The following ANO2 variants were observed in gnomAD, a reference collection of about 807,000 sequenced individuals.
ANO2 encodes anoctamin-2.
A neutral mutation model predicts 124.2 loss-of-function variants in ANO2; 101 were observed. That is an observed-to-expected ratio of 0.81 (90% CI 0.69 to 0.96). The LOEUF (loss-of-function observed/expected upper bound fraction) is 0.96, where lower values mean the gene tolerates loss of function less well. Ranked by LOEUF, ANO2 falls within the 40% of genes least tolerant of loss-of-function variation. The pLI, the probability that ANO2 is intolerant of heterozygous loss-of-function variation, is 0.00. For synonymous variants in ANO2, 486 were observed against 482.5 expected (o/e 1.01, Z -0.09); for missense variants, 1,293 against 1,274.5 (o/e 1.01, Z -0.22).
intron 4 of ANO2, among the ~76,000 whole-genome samples, chr12:5,852,581 T>G (rs891574804): frequency 1.2e-4 from 18 of 151,934 alleles, no homozygotes; most frequent in African/African-American, 4.4e-4. Context: ...ATTTGATGAG[T>G]GATTTTTGAT....
intron 4 of ANO2, among the ~76,000 whole-genome samples, chr12:5,850,713 G>A (rs181012030): frequency 3.9e-5 from 6 of 152,158 alleles, no homozygotes; most frequent in Non-Finnish European, 7.4e-5. Context: ...TGTGATTGTC[G>A]GCACCCTGAG....
At chr12:5,807,892 T>G (rs1953250965) in intron 7 of ANO2, among the ~76,000 whole-genome samples, 1 of 152,222 alleles carries the variant, frequency 6.6e-6, no homozygotes, top group Admixed American at 6.5e-5. Context: ...TGGGGAGCCC[T>G]GGGAGTCCTC....
intron 20 of ANO2, among the ~76,000 whole-genome samples, chr12:5,585,350 G>A (rs1372654664): frequency 1.3e-5 from 2 of 152,142 alleles, no homozygotes; most frequent in African/African-American, 2.4e-5. Flanking sequence ...AAAAGCCTGG[G>A]AAGTCATAAC....
chr12:5,821,529 A>G (rs1953798042), intron 7 of ANO2, among the ~76,000 whole-genome samples: 1 of 152,248 alleles, frequency 6.6e-6, no homozygotes, highest in African/African-American at 2.4e-5. Context: ...AGCAGATCCA[A>G]TGGTGCTTGA....
chr12:5,917,884 T>C (rs1198615735), intron 3 of ANO2, among the ~76,000 whole-genome samples: 1 of 152,082 alleles, frequency 6.6e-6, no homozygotes. Context: ...ATTTCCTTTT[T>C]ATAGACCAGG....
chr12:5,817,113 G>A (rs1045038135), intron 7 of ANO2, among the ~76,000 whole-genome samples: 9 of 152,302 alleles, frequency 5.9e-5, no homozygotes, highest in East Asian at 5.8e-4. Context: ...AGCAGAGGGC[G>A]TCTAGTCTCT....
chr12:5,720,965 C>T (rs780236938), intron 14 of ANO2, among the ~76,000 whole-genome samples: 5 of 152,242 alleles, frequency 3.3e-5, no homozygotes, highest in East Asian at 1.9e-4. Flanking sequence ...CTGGGCCACC[C>T]GAGGAGTCTA....
intron 14 of ANO2, among the ~76,000 whole-genome samples, chr12:5,717,482 A>T (rs549667547): frequency 6.6e-6 from 1 of 152,300 alleles, no homozygotes; most frequent in African/African-American, 2.4e-5. Context: ...GCCTAGTTAA[A>T]TTACAGATCA....
At chr12:5,684,118 C>T (rs1948609603) in intron 14 of ANO2, among the ~76,000 whole-genome samples, 1 of 152,120 alleles carries the variant, frequency 6.6e-6, no homozygotes, top group Non-Finnish European at 1.5e-5. Context: ...GCCCTGGGAC[C>T]CTTCATGCCA....
At chr12:5,873,196 G>GCTCGCTCTCTCTCTCTCT (rs1393522452) in intron 3 of ANO2, among the ~76,000 whole-genome samples, 9 of 118,932 alleles carry the variant, frequency 7.6e-5, no homozygotes, top group Non-Finnish European at 1.2e-4. Flanking sequence ...GCCTAAAGCA[G>GCTCGCTCTCTCTCTCTCT]CTCTCTCTCT....
chr12:5,903,988 A>G (rs994740355), intron 3 of ANO2, among the ~76,000 whole-genome samples: 4 of 152,122 alleles, frequency 2.6e-5, no homozygotes, highest in African/African-American at 9.7e-5. Context: ...AAACCCACAC[A>G]TGTACATGGG....
Position 5,744,209 on chromosome 12 carries a change from G to A in ANO2, c.1299C>T (p.His433=). 1 of 1,613,024 alleles carries A rather than the reference G, an allele frequency of 6.2e-7. No individual in the cohort carries two copies. The highest frequency in any genetic ancestry group is 8.5e-7 in the Non-Finnish European group (1 of 1,179,882). Residue 433 remains histidine (H), a synonymous_variant, in exon 12 of 25, where the codon CAC becomes CAT. Transcript: ENST00000682330. Reference sequence around the variant, plus strand: ...AGACGGTGGCAGGGTTGTCAAACAGGTGGCTGGCCTGCGCGGTCCCACAGG... The same window carrying A: ...AGACGGTGGCAGGGTTGTCAAACAGATGGCTGGCCTGCGCGGTCCCACAGG... The part of the protein sequence containing the change: ...SSACGTAQAS[H]LFDNPATVFF...
At chr12:5,696,471 A>G (rs1197877363) in intron 14 of ANO2, among the ~76,000 whole-genome samples, 1 of 152,218 alleles carries the variant, frequency 6.6e-6, no homozygotes, top group Non-Finnish European at 1.5e-5. Flanking sequence ...ACTAAAAAAA[A>G]GCCTGAAATT....
At chr12:5,709,768 C>A (rs573733778) in intron 14 of ANO2, among the ~76,000 whole-genome samples, 2 of 152,214 alleles carry the variant, frequency 1.3e-5, no homozygotes, top group Non-Finnish European at 2.9e-5. Flanking sequence ...CTCACTCCTG[C>A]TCTCCTCTCC....
At position 5,578,353 on chromosome 12, in the gene ANO2, G is replaced by A; in HGVS notation, c.2386+13C>T. On this transcript the variant is annotated intron_variant, in intron 21 of 24. Coordinates refer to ENST00000682330, the MANE Select transcript of ANO2 (RefSeq NM_001364791.2). ...AGGATGGGCCTGGTGGGGCCTCTAA[G>A]TGGGGCACGTACCGATATCTTTGGT... 6.2e-7 allele frequency: 1 copy of A among 1,611,728 alleles called. No individual in the cohort carries two copies. The highest frequency in any genetic ancestry group is 8.5e-7 in the Non-Finnish European group (1 of 1,178,426).
At chr12:5,744,059 G>A (rs1161900066) in intron 12 of ANO2, 98 bp downstream of exon 12, 13 of 1,461,126 alleles carry the variant, frequency 8.9e-6, no homozygotes, top group South Asian at 5.2e-5. Flanking sequence ...GAAAAAATGC[G>A]AAAGTAAGTA....
intron 10 of ANO2, among the ~76,000 whole-genome samples, chr12:5,761,350 C>A (rs1951739562): frequency 1.3e-5 from 2 of 152,100 alleles, no homozygotes; most frequent in Non-Finnish European, 2.9e-5. Flanking sequence ...AAGTCCTATA[C>A]CCCAAATTTA....
At position 5,614,596 on chromosome 12, in the gene ANO2, T is replaced by C. The variant is rs529371670; in HGVS notation, c.1928+590A>G. The stretch of plus-strand genomic sequence containing the variant: ...TCTATATGTCTCTTCCATTTGCTGA[T>C]TTGGATTTACATCCCTCTACTACTA... On this transcript the variant is annotated intron_variant, in intron 17 of 24. Coordinates refer to ENST00000682330, the MANE Select transcript of ANO2 (RefSeq NM_001364791.2). Among the ~76,000 whole-genome samples the C allele has an allele frequency of 1.6e-4, 25 of 152,358 alleles. No individual in the cohort carries two copies. In the East Asian group the frequency reaches 4.0e-3, roughly 25 times the overall value.
intron 10 of ANO2, among the ~76,000 whole-genome samples, chr12:5,793,316 T>C (rs982165658): frequency 6.6e-6 from 1 of 152,078 alleles, no homozygotes. Context: ...AGGCTGGGCA[T>C]TTGCTAGATG....
Sources: allele counts gnomAD v4.1 joint callset (sites outside exome capture counted in the v4.1 genomes callset), GRCh38; gene constraint gnomAD v4.1.1; transcripts MANE v1.5; gene names NCBI Gene and HGNC (gene_info 2026-07-23, HGNC 2026-07-21).